Variants in TSPAN12 observed in about 807,000 individuals in gnomAD.
TSPAN12 encodes the protein tetraspanin 12.
TSPAN12 carries 19 observed loss-of-function variants against 39.2 expected under a neutral mutation model. The observed-to-expected ratio is 0.49, with a 90% CI of 0.34 to 0.71. The LOEUF (loss-of-function observed/expected upper bound fraction) is 0.71, where lower values mean the gene tolerates loss of function less well. TSPAN12 is among the 30% of genes least tolerant of loss of function. The pLI is 0.01. For missense variants in TSPAN12, 314 were observed against 359.9 expected (o/e 0.87, Z 1.03); for synonymous variants, 119 against 124.8 (o/e 0.95, Z 0.31).
At chr7:120,798,130 G>A (rs1793668128) in intron 7 of TSPAN12, among the ~76,000 whole-genome samples, 1 of 152,196 alleles carries the variant, frequency 6.6e-6, no homozygotes, top group African/African-American at 2.4e-5. Flanking sequence ...ACTCACAATT[G>A]AATGATGTCG....
At chr7:120,791,925 T>C (rs1023171596) in intron 7 of TSPAN12, among the ~76,000 whole-genome samples, 12 of 152,118 alleles carry the variant, frequency 7.9e-5, no homozygotes, top group Non-Finnish European at 1.6e-4. Context: ...ATAGCAAAAC[T>C]GGCATGGGAA....
In TSPAN12 at chr7:120,787,411, T is replaced by C. The variant is rs1793430207; in HGVS notation, c.*1181A>G. On this transcript the variant is annotated 3_prime_UTR_variant, in exon 8 of 8. Coordinates refer to ENST00000222747, the MANE Select transcript of TSPAN12 (RefSeq NM_012338.4). Reference sequence around the variant, plus strand: ...ATACACAAAATACAGTAAAATGCACTTTTCCCATTTCAAATAAATATACTA... The same window carrying C: ...ATACACAAAATACAGTAAAATGCACCTTTCCCATTTCAAATAAATATACTA... The C allele has an allele frequency of 6.6e-6, 1 of 152,588 alleles. No homozygotes were observed. Among genetic ancestry groups the C allele is most frequent in the African/African-American group, 2.4e-5 (1 of 41,450 alleles). 9.5% of individuals were successfully genotyped at this position (152,588 alleles called of 1,614,324 possible).
At chr7:120,845,552 G>A (rs918174666) in intron 2 of TSPAN12, among the ~76,000 whole-genome samples, 26 of 152,158 alleles carry the variant, frequency 1.7e-4, no homozygotes, top group Admixed American at 4.6e-4. Flanking sequence ...TTAGAAATTT[G>A]TTCTGCCAGA....
At chr7:120,813,214 ACTG>A (rs940967558) in intron 5 of TSPAN12, among the ~76,000 whole-genome samples, 5 of 152,210 alleles carry the variant, frequency 3.3e-5, no homozygotes, top group African/African-American at 1.2e-4. Context: ...TTTCATTCAC[ACTG>A]CTATTAGTGC....
chr7:120,854,601 G>C (rs1298356803), intron 2 of TSPAN12, among the ~76,000 whole-genome samples: 2 of 152,172 alleles, frequency 1.3e-5, no homozygotes, highest in Non-Finnish European at 2.9e-5. Flanking sequence ...ATGTTAGTTA[G>C]ATAGGTTGGC....
chr7:120,796,268 T>C (rs1341475853), intron 7 of TSPAN12, among the ~76,000 whole-genome samples: 1 of 152,090 alleles, frequency 6.6e-6, no homozygotes, highest in African/African-American at 2.4e-5. Flanking sequence ...ACAAGCAAAG[T>C]GAAAAACTGG....
intron 7 of TSPAN12, among the ~76,000 whole-genome samples, chr7:120,805,595 C>G (rs1051831623): frequency 6.6e-6 from 1 of 152,004 alleles, no homozygotes; most frequent in Non-Finnish European, 1.5e-5. Flanking sequence ...TGATCCCAAC[C>G]CCTTAGCCTA....
chr7:120,815,824 A>T lies in TSPAN12; in HGVS notation c.286-21T>A, dbSNP rs146594886. 698 of 1,599,212 alleles carry T rather than the reference A, an allele frequency of 4.4e-4. 2 individuals are homozygous for T. The African/African-American group carries it at 8.2e-3, about 19-fold the overall frequency. ...AAGTACTGTAGAAAAACAGAAAAGT[A>T]TGCTGTTATAGTATCAGAATAAAAT... On this transcript the variant is annotated intron_variant, in intron 4 of 7. Coordinates refer to ENST00000222747, the MANE Select transcript of TSPAN12 (RefSeq NM_012338.4).
chr7:120,788,464 G>C lies in TSPAN12; in HGVS notation c.*128C>G. 1 of 1,111,360 alleles carries C rather than the reference G, an allele frequency of 9.0e-7. No homozygotes were observed. Among genetic ancestry groups the C allele is most frequent in the Non-Finnish European group, 1.3e-6 (1 of 749,960 alleles). The allele number at this position is 1,111,360 out of a possible 1,614,324, so 68.8% of individuals were successfully genotyped here. On this transcript the variant is annotated 3_prime_UTR_variant, in exon 8 of 8. Transcript: ENST00000222747. Reference sequence around the variant, plus strand: ...CATCCTCATTTTAAAGCATAGAATAGTATATGCTTAGGTGTTATTTTATGG... The same window carrying C: ...CATCCTCATTTTAAAGCATAGAATACTATATGCTTAGGTGTTATTTTATGG...
intron 2 of TSPAN12, among the ~76,000 whole-genome samples, chr7:120,847,659 G>T (rs1312981909): frequency 6.6e-6 from 1 of 152,122 alleles, no homozygotes; most frequent in Admixed American, 6.6e-5. Context: ...CTGGCAAGGC[G>T]TCGGGTGAAT....
chr7:120,801,943 T>C (rs931529016), intron 7 of TSPAN12, among the ~76,000 whole-genome samples: 3 of 152,216 alleles, frequency 2.0e-5, no homozygotes, highest in African/African-American at 7.2e-5. Flanking sequence ...GTATCATTTT[T>C]TCCTTGAAGT....
intron 4 of TSPAN12, among the ~76,000 whole-genome samples, chr7:120,836,771 T>C (rs6971854): frequency 0.15 from 22,337 of 152,178 alleles, 2,819 homozygotes; most frequent in East Asian, 0.34. Flanking sequence ...TATTACAAAC[T>C]AGACTCTCAT....
intron 7 of TSPAN12, among the ~76,000 whole-genome samples, chr7:120,801,110 C>A (rs938447224): frequency 6.6e-6 from 1 of 152,048 alleles, no homozygotes; most frequent in Admixed American, 6.6e-5. Flanking sequence ...TAACAAGTGT[C>A]ATTAAATGAT....
At chr7:120,844,002 T>C (rs1300619779) in intron 2 of TSPAN12, among the ~76,000 whole-genome samples, 1 of 152,124 alleles carries the variant, frequency 6.6e-6, no homozygotes, top group African/African-American at 2.4e-5. Context: ...CCTCAGGCTG[T>C]ACAGGAAACA....
intron 5 of TSPAN12, among the ~76,000 whole-genome samples, chr7:120,811,766 T>C (rs550090145): frequency 5.3e-5 from 8 of 152,196 alleles, no homozygotes; most frequent in Admixed American, 1.3e-4. Context: ...CTGGATGGAA[T>C]TGCAGACCAA....
chr7:120,790,093 G>A (rs758403719), intron 7 of TSPAN12, among the ~76,000 whole-genome samples: 3 of 152,066 alleles, frequency 2.0e-5, no homozygotes, highest in Admixed American at 6.6e-5. Flanking sequence ...CTGTGGACCG[G>A]AAAACCCACT....
At chr7:120,851,202 C>T (rs776745413) in intron 2 of TSPAN12, among the ~76,000 whole-genome samples, 12 of 152,146 alleles carry the variant, frequency 7.9e-5, no homozygotes, top group Non-Finnish European at 1.3e-4. Context: ...GGATCTAACT[C>T]TTCAGATTCT....
intron 7 of TSPAN12, among the ~76,000 whole-genome samples, chr7:120,796,329 G>A (rs973276605): frequency 1.3e-5 from 2 of 152,122 alleles, no homozygotes; most frequent in African/African-American, 2.4e-5. Context: ...CAGCACAAAC[G>A]CACATAACCA....
At chr7:120,804,745 T>C (rs1367255577) in intron 7 of TSPAN12, among the ~76,000 whole-genome samples, 3 of 152,134 alleles carry the variant, frequency 2.0e-5, no homozygotes, top group Non-Finnish European at 2.9e-5. Context: ...TTGTTGCAGA[T>C]GTAACTAAGA....
Sources: gnomAD v4.1 joint callset for allele counts (sites outside exome capture counted in the v4.1 genomes callset) on GRCh38, gnomAD v4.1.1 for gene constraint, MANE v1.5 for transcripts, NCBI Gene and HGNC (gene_info 2026-07-23, HGNC 2026-07-21) for gene names.